Variants in NFIB observed in about 807,000 individuals in gnomAD.
The protein encoded by NFIB is nuclear factor I B.
A neutral mutation model predicts 61.5 loss-of-function variants in NFIB; 11 were observed. That is an observed-to-expected ratio of 0.18 (90% CI 0.11 to 0.30). NFIB has a LOEUF of 0.30. NFIB is among the 10% of genes least tolerant of loss of function. The probability of loss-of-function intolerance (pLI) is 1.00; values close to 1 mark genes in which losing one functional copy is unlikely to be tolerated. For synonymous variants in NFIB, 260 were observed against 216.5 expected (o/e 1.20, Z -1.76); for missense variants, 471 against 608.9 (o/e 0.77, Z 2.38).
At chr9:14,257,106 C>G (rs112432742) in intron 2 of NFIB, among the ~76,000 whole-genome samples, 321 of 152,304 alleles carry the variant, frequency 2.1e-3, no homozygotes, top group African/African-American at 7.6e-3. Context: ...TGTCCTGGTT[C>G]TAAATCTGAC....
chr9:14,240,213 C>G (rs1311863371), intron 2 of NFIB, among the ~76,000 whole-genome samples: 1 of 152,054 alleles, frequency 6.6e-6, no homozygotes, highest in African/African-American at 2.4e-5. Flanking sequence ...GGAAAAATTC[C>G]TAGAGAGTGA....
the NFIB span, among the ~76,000 whole-genome samples, chr9:14,465,090 T>C: frequency 6.6e-6 from 1 of 152,216 alleles, no homozygotes; most frequent in African/African-American, 2.4e-5. Flanking sequence ...ATAAACAAGA[T>C]GTGCTTTGCA....
chr9:14,323,588 A>T (rs1167961122), intron 1 of NFIB, among the ~76,000 whole-genome samples: 1 of 152,224 alleles, frequency 6.6e-6, no homozygotes, highest in Non-Finnish European at 1.5e-5. Flanking sequence ...ACAACAGACG[A>T]CGATAGCTTC....
At chr9:14,478,354 C>G in the NFIB span, among the ~76,000 whole-genome samples, 5 of 152,286 alleles carry the variant, frequency 3.3e-5, no homozygotes, top group East Asian at 9.6e-4. Context: ...TCTCTCCTCT[C>G]CTTATCTTTT....
At chr9:14,204,809 A>G in intron 2 of NFIB, 1 of 491,782 alleles carries the variant, frequency 2.0e-6, no homozygotes, top group Non-Finnish European at 3.8e-6. Flanking sequence ...GGGGAAGACA[A>G]GACTGGGACA....
intron 1 of NFIB, among the ~76,000 whole-genome samples, chr9:14,323,978 A>T (rs1197668146): frequency 2.0e-5 from 3 of 152,250 alleles, no homozygotes; most frequent in African/African-American, 7.2e-5. Context: ...TAATTTGTCT[A>T]ACTGCAAGTT....
chr9:14,238,466 G>C (rs2054022297), intron 2 of NFIB, among the ~76,000 whole-genome samples: 1 of 152,182 alleles, frequency 6.6e-6, no homozygotes, highest in Non-Finnish European at 1.5e-5. Context: ...CACATAAAAA[G>C]TATATGTGCA....
At chr9:14,312,386 T>C (rs1350019226) in intron 1 of NFIB, among the ~76,000 whole-genome samples, 1 of 152,246 alleles carries the variant, frequency 6.6e-6, no homozygotes, top group Non-Finnish European at 1.5e-5. Context: ...CTAGTTTTCA[T>C]GGCAATGTCA....
intron 2 of NFIB, among the ~76,000 whole-genome samples, chr9:14,215,496 C>G (rs1238624296): frequency 7.2e-5 from 11 of 152,096 alleles, no homozygotes; most frequent in Non-Finnish European, 5.9e-5. Flanking sequence ...TCCTGAAAAT[C>G]CTCGCTTATT....
At chr9:14,294,381 C>T (rs1332220821) in intron 2 of NFIB, among the ~76,000 whole-genome samples, 1 of 152,240 alleles carries the variant, frequency 6.6e-6, no homozygotes, top group African/African-American at 2.4e-5. Flanking sequence ...TACGCTCCCA[C>T]TTTAAGTGAA....
chr9:14,218,760 T>A (rs78507928), intron 2 of NFIB, among the ~76,000 whole-genome samples: 4 of 152,362 alleles, frequency 2.6e-5, no homozygotes, highest in South Asian at 4.1e-4. Context: ...TTTAAATGCA[T>A]TGGCCTTGAT....
chr9:14,123,858 C>A (rs753301301), intron 7 of NFIB, among the ~76,000 whole-genome samples: 1 of 152,044 alleles, frequency 6.6e-6, no homozygotes, highest in Non-Finnish European at 1.5e-5. Context: ...TGCCCCTCTT[C>A]CTCCTAGTAT....
At chr9:14,460,398 C>T in the NFIB span, among the ~76,000 whole-genome samples, 2 of 147,300 alleles carry the variant, frequency 1.4e-5, no homozygotes, top group Admixed American at 6.7e-5. Flanking sequence ...GGGGTAGCAT[C>T]AGGAGATATA....
intron 1 of NFIB, among the ~76,000 whole-genome samples, chr9:14,380,610 G>C (rs16931644): frequency 0.064 from 9,781 of 152,140 alleles, 385 homozygotes; most frequent in African/African-American, 0.11. Flanking sequence ...GGAAGCAGCT[G>C]TCTAATAAAT....
intron 4 of NFIB, among the ~76,000 whole-genome samples, chr9:14,154,383 T>C (rs2043165444): frequency 6.6e-6 from 1 of 151,846 alleles, no homozygotes; most frequent in Admixed American, 6.6e-5. Context: ...TAAAGAAGAG[T>C]ATGGGGAAGA....
At chr9:14,113,358 C>T (rs757872631) in intron 9 of NFIB, among the ~76,000 whole-genome samples, 1 of 152,144 alleles carries the variant, frequency 6.6e-6, no homozygotes, top group Non-Finnish European at 1.5e-5. Context: ...TAGTAACTGT[C>T]CTGTGGAGGT....
chr9:14,333,903 A>G (rs1164050342), intron 1 of NFIB, among the ~76,000 whole-genome samples: 6 of 152,234 alleles, frequency 3.9e-5, no homozygotes, highest in South Asian at 4.1e-4. Context: ...CAACCGCTGT[A>G]CTGATTTCTA....
intron 1 of NFIB, among the ~76,000 whole-genome samples, chr9:14,365,061 T>C (rs2061284091): frequency 6.6e-6 from 1 of 152,226 alleles, no homozygotes; most frequent in African/African-American, 2.4e-5. Flanking sequence ...AGTTCCAATT[T>C]CAGAGTAGTG....
chr9:14,416,857 C>T, the NFIB span, among the ~76,000 whole-genome samples: 1 of 150,806 alleles, frequency 6.6e-6, no homozygotes. Flanking sequence ...AAGCTCCATT[C>T]ATGAGAAGAG....
Sources: gnomAD v4.1 joint callset for allele counts (sites outside exome capture counted in the v4.1 genomes callset) on GRCh38, gnomAD v4.1.1 for gene constraint, MANE v1.5 for transcripts, NCBI Gene and HGNC (gene_info 2026-07-23, HGNC 2026-07-21) for gene names.